ACACA: variants seen among roughly 807,000 people sequenced by gnomAD.
ACACA encodes the protein acetyl-CoA carboxylase alpha.
ACACA carries 103 observed loss-of-function variants against 296.1 expected under a neutral mutation model. The observed-to-expected ratio is 0.35, with a 90% CI of 0.30 to 0.41. The LOEUF is 0.41. Ranked by LOEUF, ACACA falls within the 10% of genes least tolerant of loss-of-function variation. ACACA has a pLI of 1.00. For synonymous variants in ACACA, 953 were observed against 1,038.6 expected, an observed-to-expected ratio of 0.92 and a Z score of 1.58; for missense variants, 1,554 against 2,989.7, an observed-to-expected ratio of 0.52 and a Z score of 11.20.
intron 3 of ACACA, chr17:37,301,360 G>C: frequency 1.0e-6 from 1 of 984,974 alleles, no homozygotes; most frequent in South Asian, 4.7e-5. Flanking sequence ...ACCATGAACA[G>C]TGTCCAACGT....
At position 37,252,967 on chromosome 17, in the gene ACACA, G is replaced by T. The variant is rs2081062282; in HGVS notation, c.1896C>A (p.Ile632=). The change falls in exon 15 of 56, where the codon ATC becomes ATA. Residue 632 remains isoleucine (I), a synonymous_variant. Transcript: ENST00000616317. ...GDFRTTVEYL[I]KLLETESFQM... Reference sequence around the variant, plus strand: ...GAAAGCTTTCAGTCTCTAACAATTTGATCAGGTATTCAACTGTAGTTCGAA... The same window carrying T: ...GAAAGCTTTCAGTCTCTAACAATTTTATCAGGTATTCAACTGTAGTTCGAA... 1 of 1,614,202 alleles carries T rather than the reference G, an allele frequency of 6.2e-7. No homozygotes were observed. The highest frequency in any genetic ancestry group is 1.1e-5 in the South Asian group (1 of 91,082).
At chr17:37,196,872 G>C (rs2078026133) in intron 35 of ACACA, among the ~76,000 whole-genome samples, 1 of 151,452 alleles carries the variant, frequency 6.6e-6, no homozygotes. Flanking sequence ...TTTATTTTCA[G>C]ATGAACATCA....
At chr17:37,261,998 C>T (rs184561779) in intron 11 of ACACA, among the ~76,000 whole-genome samples, 1 of 151,990 alleles carries the variant, frequency 6.6e-6, no homozygotes, top group Non-Finnish European at 1.5e-5. Flanking sequence ...ATATAGAGAT[C>T]CGGAATCACC....
In ACACA at chr17:37,097,818, C is replaced by A; in HGVS notation, c.6720+12G>T. On this transcript the variant is annotated intron_variant, in intron 53 of 55. Transcript: ENST00000616317. The surrounding 1 kb of genome is among the most constrained non-coding windows in gnomAD (Gnocchi z 4.8). ...TGGGCCTCTGACAAGAAGTGGCAAC[C>A]ATTGTACTTACGCTAATAACACCCT... The A allele has an allele frequency of 6.2e-7, 1 of 1,614,150 alleles. No homozygotes were observed. Among genetic ancestry groups the A allele is most frequent in the Non-Finnish European group, 8.5e-7 (1 of 1,180,012 alleles).
At chr17:37,181,898 T>A (rs1224682007) in intron 39 of ACACA, among the ~76,000 whole-genome samples, 1 of 40,142 alleles carries the variant, frequency 2.5e-5, no homozygotes, top group Non-Finnish European at 3.8e-5. Context: ...AGACTCTGTA[T>A]CCAAAAAAAA....
chr17:37,226,373 G>A lies in ACACA; in HGVS notation c.3326C>T (p.Thr1109Ile), dbSNP rs750831962. 4 of 1,614,136 alleles carry A rather than the reference G, an allele frequency of 2.5e-6. No homozygotes were observed. The highest frequency in any genetic ancestry group is 4.5e-5 in the East Asian group (2 of 44,880). ...TCGAAGTGCTACTTTGGCATTGGTGGTCTTACTGAGTTGAGTTAGCTCTGT... is the reference window on the plus strand; with the variant it reads ...TCGAAGTGCTACTTTGGCATTGGTGATCTTACTGAGTTGAGTTAGCTCTGT... The part of the protein sequence containing the change: ...ILTELTQLSK[T>I]TNAKVALRAR... The change falls in exon 26 of 56, where the codon ACC becomes ATC. Residue 1109 changes from threonine (T) to isoleucine (I), a missense_variant. By Grantham distance (89) the Thr-to-Ile change is moderately conservative. Around this residue, in one of 16 missense-constraint regions of ACACA, gnomAD observed 42 missense variants for 147.5 expected, o/e 0.28. Coordinates refer to ENST00000616317, the MANE Select transcript of ACACA (RefSeq NM_198834.3).
chr17:37,307,020 T>C (rs1464866559), intron 3 of ACACA, among the ~76,000 whole-genome samples: 1 of 152,172 alleles, frequency 6.6e-6, no homozygotes, highest in Non-Finnish European at 1.5e-5. Context: ...AATTTATCTA[T>C]GCTTACCACT....
intron 54 of ACACA, among the ~76,000 whole-genome samples, chr17:37,095,585 G>A (rs2072936456): frequency 6.6e-6 from 1 of 152,152 alleles, no homozygotes. Context: ...CCCTCTTTGT[G>A]GGCCAGGACC....
intron 30 of ACACA, among the ~76,000 whole-genome samples, chr17:37,209,475 T>C (rs2078654742): frequency 6.6e-6 from 1 of 152,086 alleles, no homozygotes; most frequent in South Asian, 2.1e-4. Flanking sequence ...ATGGGAAATA[T>C]CGACTATTCA....
At chr17:37,216,754 T>G (rs886489261) in intron 29 of ACACA, among the ~76,000 whole-genome samples, 4 of 151,878 alleles carry the variant, frequency 2.6e-5, no homozygotes, top group Non-Finnish European at 4.4e-5. Context: ...TTTTGCCTAC[T>G]TCTCTAAAAA....
chr17:37,343,969 G>A (rs952824440), intron 1 of ACACA, among the ~76,000 whole-genome samples: 4 of 151,658 alleles, frequency 2.6e-5, no homozygotes, highest in African/African-American at 9.7e-5. Context: ...TGAAACAGAT[G>A]CTGATTATTC....
chr17:37,205,718 C>A, intron 33 of ACACA, 47 bp downstream of exon 33: 1 of 1,380,580 alleles, frequency 7.2e-7, no homozygotes, highest in Non-Finnish European at 1.0e-6. Flanking sequence ...TGATACACAG[C>A]CAGTAGAAAG....
At chr17:37,286,023 C>G (rs945744664) in intron 3 of ACACA, among the ~76,000 whole-genome samples, 1 of 152,038 alleles carries the variant, frequency 6.6e-6, no homozygotes, top group Admixed American at 6.5e-5. Flanking sequence ...TGCAGAGTAG[C>G]TGAGACTGTA....
rs1266461450 is a variant in ACACA at position 37,316,371 on chromosome 17, A to G, written c.338+13802T>C. 2.6e-5 allele frequency among the ~76,000 whole-genome samples: 4 copies of G among 151,280 alleles called. No homozygotes were observed. The East Asian group carries it at 7.8e-4, about 29-fold the overall frequency. On this transcript the variant is annotated intron_variant, in intron 3 of 55. Coordinates refer to ENST00000616317, the MANE Select transcript of ACACA (RefSeq NM_198834.3). Reference sequence around the variant, plus strand: ...CTAGCCTTTTTTCTGTTCATCCTTCAAATTCTAGTTCAAACATCTCCAAGA... The same window carrying G: ...CTAGCCTTTTTTCTGTTCATCCTTCGAATTCTAGTTCAAACATCTCCAAGA...
At chr17:37,089,190 C>T in intron 54 of ACACA, 116 bp from the exon 55 acceptor site, 3 of 1,449,704 alleles carry the variant, frequency 2.1e-6, no homozygotes, top group Non-Finnish European at 2.9e-6. Flanking sequence ...GTCCACGATT[C>T]TCCTTCACTG....
chr17:37,309,820 G>A (rs1457766654), intron 3 of ACACA, among the ~76,000 whole-genome samples: 1 of 151,996 alleles, frequency 6.6e-6, no homozygotes, highest in Non-Finnish European at 1.5e-5. Flanking sequence ...GAGAGGTGAA[G>A]GCGAGAGGAT....
intron 3 of ACACA, among the ~76,000 whole-genome samples, chr17:37,314,846 G>A (rs2047011452): frequency 6.6e-6 from 1 of 151,046 alleles, no homozygotes; most frequent in Admixed American, 6.6e-5. Flanking sequence ...TCACTGTGTT[G>A]GCCAGGCTGT....
At chr17:37,280,510 C>T (rs1269334580) in intron 5 of ACACA, among the ~76,000 whole-genome samples, 1 of 152,116 alleles carries the variant, frequency 6.6e-6, no homozygotes, top group African/African-American at 2.4e-5. Context: ...CCTGGCCCTC[C>T]ATGCTTTTTA....
chr17:37,261,991 T>C (rs1246401011), intron 11 of ACACA, among the ~76,000 whole-genome samples: 5 of 151,974 alleles, frequency 3.3e-5, no homozygotes, highest in African/African-American at 1.2e-4. Context: ...ATACATCATA[T>C]AGAGATCCGG....
Sources: gnomAD v4.1 joint callset for allele counts (sites outside exome capture counted in the v4.1 genomes callset) on GRCh38, gnomAD v4.1.1 for gene constraint, gnomAD v4.1.1 regional missense constraint, Gnocchi (gnomAD v3.1) non-coding constraint, MANE v1.5 for transcripts, NCBI Gene and HGNC (gene_info 2026-07-23, HGNC 2026-07-21) for gene names.